The following ABCB11 variants were observed in gnomAD, a reference collection of about 807,000 sequenced individuals.
The protein encoded by ABCB11 is bile salt export pump.
In ABCB11, 95 loss-of-function variants were observed where a neutral mutation model predicts 148.0. The observed-to-expected ratio is 0.64, with a 90% confidence interval of 0.54 to 0.76. The LOEUF (loss-of-function observed/expected upper bound fraction) is 0.76. Ranked by LOEUF, ABCB11 falls within the 30% of genes least tolerant of loss-of-function variation. ABCB11 has a pLI of 0.00. For missense variants in ABCB11, 1,523 were observed against 1,617.8 expected (o/e 0.94, Z 1.01); for synonymous variants, 591 against 555.4 (o/e 1.06, Z -0.90).
intron 1 of ABCB11, among the ~76,000 whole-genome samples, chr2:169,023,822 G>C (rs1015094261): frequency 2.6e-5 from 4 of 152,182 alleles, no homozygotes; most frequent in Admixed American, 1.3e-4. Context: ...AATGAGACTG[G>C]GGAGGGGCTC....
intron 21 of ABCB11, among the ~76,000 whole-genome samples, chr2:168,937,584 C>A (rs1278595654): frequency 6.6e-6 from 1 of 152,152 alleles, no homozygotes; most frequent in Non-Finnish European, 1.5e-5. Context: ...ATTAATGCAG[C>A]CCTAAACATG....
At chr2:168,945,738 G>A (rs1218501850) in intron 19 of ABCB11, among the ~76,000 whole-genome samples, 2 of 151,796 alleles carry the variant, frequency 1.3e-5, no homozygotes, top group Non-Finnish European at 2.9e-5. Context: ...TTAATATTTT[G>A]ACCGATATCT....
intron 18 of ABCB11, among the ~76,000 whole-genome samples, chr2:168,962,391 T>G (rs1693117755): frequency 6.6e-6 from 1 of 151,674 alleles, no homozygotes. Flanking sequence ...TAGATTTAGA[T>G]TTCCTTTTAG....
intron 19 of ABCB11, among the ~76,000 whole-genome samples, chr2:168,955,737 A>G (rs1692760615): frequency 1.3e-5 from 2 of 151,658 alleles, no homozygotes; most frequent in Admixed American, 6.6e-5. Context: ...CATTAACTCA[A>G]AAGTCTAAGT....
chr2:168,971,724 C>A, intron 14 of ABCB11, 123 bp downstream of exon 14: 1 of 933,246 alleles, frequency 1.1e-6, no homozygotes, highest in Non-Finnish European at 1.6e-6. Context: ...AGGCATGAAA[C>A]TAAAACATGG....
chr2:169,021,391 A>G (rs572622583), intron 1 of ABCB11, among the ~76,000 whole-genome samples: 35 of 152,356 alleles, frequency 2.3e-4, no homozygotes, highest in African/African-American at 8.2e-4. Context: ...ATGTCAGAAA[A>G]ATAGAATCCA....
At chr2:168,982,021 A>G (rs1304402916) in intron 10 of ABCB11, among the ~76,000 whole-genome samples, 1 of 152,146 alleles carries the variant, frequency 6.6e-6, no homozygotes, top group African/African-American at 2.4e-5. Flanking sequence ...GGACAAAAGC[A>G]CATTCCCAAA....
intron 19 of ABCB11, 65 bp downstream of exon 19, chr2:168,957,899 G>T (rs566386285): frequency 9.8e-6 from 13 of 1,322,342 alleles, no homozygotes; most frequent in Non-Finnish European, 1.2e-5. Flanking sequence ...AACAAAGAGC[G>T]GACTTATCAA....
chr2:168,953,448 TTGTC>T lies in ABCB11; in HGVS notation c.2343+4512_2343+4515del, dbSNP rs1184198237. 4.7e-5 allele frequency among the ~76,000 whole-genome samples: 5 copies of T among 106,006 alleles called. No individual in the cohort carries two copies. The East Asian group carries it at 1.5e-3, about 32-fold the overall frequency. 69.5% of individuals were successfully genotyped at this position (106,006 alleles called of 152,430 possible). ...TTGAATTTATCATTACATAATTATCTTGTCTTTTTTTTTTTTTACTATTTTTGAT... is the reference window on the plus strand; with the variant it reads ...TTGAATTTATCATTACATAATTATCTTTTTTTTTTTTTTACTATTTTTGAT... On this transcript the variant is annotated intron_variant, in intron 19 of 27. Coordinates refer to ENST00000650372, the MANE Select transcript of ABCB11 (RefSeq NM_003742.4).
chr2:169,007,926 C>T (rs944828179), intron 5 of ABCB11, among the ~76,000 whole-genome samples: 2 of 152,130 alleles, frequency 1.3e-5, no homozygotes, highest in Non-Finnish European at 2.9e-5. Context: ...ATTCCTACAA[C>T]TCAATAATCA....
rs200857579 is a variant in ABCB11, at chr2:168,935,406, C to T, written c.2834G>A (p.Ser945Asn). ...AATTCCAGCAACAGTGCGGATGTTA[C>T]TGAGGGCTTCATTTGTAATCTGAAG... Reference protein sequence around the residue: ...MVGQITNEALSNIRTVAGIGK... With the variant: ...MVGQITNEALNNIRTVAGIGK... Residue 945 changes from serine to asparagine, a missense_variant, in exon 23 of 28, where the codon AGT becomes AAT. Physicochemically the swap from Ser to Asn is conservative, Grantham distance 46. Transcript: ENST00000650372. The T allele has an allele frequency of 2.2e-4, 362 of 1,612,236 alleles. 1 individual carries two copies. Among genetic ancestry groups the T allele is most frequent in the Non-Finnish European group, 3.0e-4 (350 of 1,178,764 alleles).
chr2:169,023,829 G>A (rs1190472130), intron 1 of ABCB11, among the ~76,000 whole-genome samples: 1 of 152,200 alleles, frequency 6.6e-6, no homozygotes, highest in East Asian at 1.9e-4. Flanking sequence ...CTGGGGAGGG[G>A]CTCAGAGGGC....
intron 1 of ABCB11, among the ~76,000 whole-genome samples, chr2:169,019,370 A>G (rs1372911877): frequency 1.3e-5 from 2 of 152,180 alleles, no homozygotes; most frequent in Non-Finnish European, 2.9e-5. Context: ...AATTAACAGT[A>G]GACACCAAGA....
chr2:168,917,006 T>C (rs1352195790), downstream of ABCB11, among the ~76,000 whole-genome samples: 4 of 152,358 alleles, frequency 2.6e-5, no homozygotes, highest in Middle Eastern at 6.8e-3. Flanking sequence ...TACCTAATTA[T>C]GATCCTATGT....
chr2:169,009,635 G>A (rs983587431), intron 5 of ABCB11, among the ~76,000 whole-genome samples: 1 of 151,340 alleles, frequency 6.6e-6, no homozygotes, highest in African/African-American at 2.4e-5. Flanking sequence ...GTTAAATGAC[G>A]AGTTGATGGG....
chr2:169,016,979 TACACACACACACACACACACACAC>T lies in ABCB11; in HGVS notation c.77-204_77-181del, dbSNP rs71397686. On this transcript the variant is annotated intron_variant, in intron 2 of 27. Coordinates refer to ENST00000650372, the MANE Select transcript of ABCB11 (RefSeq NM_003742.4). ...CTCATATTGTCTCTCTCTATCTTTCTACACACACACACACACACACACACACACACACACACACACACACGAAGA... is the reference window on the plus strand; with the variant it reads ...CTCATATTGTCTCTCTCTATCTTTCTACACACACACACACACACACGAAGA... Among the ~76,000 whole-genome samples the T allele has an allele frequency of 0.016, 2,201 of 138,098 alleles. 237 individuals carry two copies. In the East Asian group the frequency reaches 0.3, roughly 19 times the overall value. The allele number at this position is 138,098 out of a possible 152,430, so 90.6% of individuals were successfully genotyped here. A position where few individuals can be genotyped will look rare whatever the true frequency, so the allele number is the denominator to read the frequency against.
chr2:169,022,391 AAATAAAGTTTTAAATCAT>A (rs2106067915), intron 1 of ABCB11, among the ~76,000 whole-genome samples: 1 of 152,136 alleles, frequency 6.6e-6, no homozygotes, highest in South Asian at 2.1e-4. Context: ...AAGGTAAAAT[AAATAAAGTTTTAAATCAT>A]AAGCAAATAC....
At chr2:169,013,196 A>G (rs913117346) in intron 5 of ABCB11, 76 bp downstream of exon 5, 31 of 1,125,234 alleles carry the variant, frequency 2.8e-5, no homozygotes, top group Non-Finnish European at 3.6e-5. Flanking sequence ...AGCCAGTAAA[A>G]TCCCCTCTAT....
chr2:168,993,666 A>T, intron 8 of ABCB11, 45 bp downstream of exon 8: 1 of 1,568,076 alleles, frequency 6.4e-7, no homozygotes, highest in Non-Finnish European at 8.7e-7. Context: ...GCTGTTTATG[A>T]AGGCAAATGT....
Sources: allele counts gnomAD v4.1 joint callset (sites outside exome capture counted in the v4.1 genomes callset), GRCh38; gene constraint gnomAD v4.1.1; transcripts MANE v1.5; gene names NCBI Gene and HGNC (gene_info 2026-07-23, HGNC 2026-07-21).